The following RPS6KB1 variants were observed in gnomAD, a reference collection of about 807,000 sequenced individuals.
The protein encoded by RPS6KB1 is ribosomal protein S6 kinase B1.
RPS6KB1 carries 12 observed loss-of-function variants against 70.2 expected under a neutral mutation model. The ratio of observed to expected loss-of-function variants is 0.17; its 90% CI spans 0.11 to 0.28. The LOEUF is 0.28. Among genes scored for constraint, RPS6KB1 ranks in the 10% least tolerant of loss-of-function variants. The pLI is 1.00. For synonymous variants in RPS6KB1, 175 were observed against 211.2 expected, an observed-to-expected ratio of 0.83 and a Z score of 1.49; for missense variants, 270 against 646.6, an observed-to-expected ratio of 0.42 and a Z score of 6.32.
intron 4 of RPS6KB1, among the ~76,000 whole-genome samples, chr17:59,916,390 G>A (rs1369066693): frequency 2.0e-5 from 3 of 152,186 alleles, no homozygotes; most frequent in Admixed American, 6.5e-5. Flanking sequence ...GTGAGCCACC[G>A]AGCCTGGCAG....
intron 14 of RPS6KB1, 83 bp downstream of exon 14, chr17:59,945,601 T>C: frequency 1.4e-6 from 1 of 733,260 alleles, no homozygotes. Context: ...TGCCAAGTTA[T>C]ATAAATGAAA....
intron 4 of RPS6KB1, among the ~76,000 whole-genome samples, chr17:59,925,432 G>A (rs2043549402): frequency 6.6e-6 from 1 of 152,046 alleles, no homozygotes; most frequent in African/African-American, 2.4e-5. Context: ...AGAAATAAAG[G>A]TATCATCATT....
chr17:59,902,241 A>AC (rs2042001925), intron 1 of RPS6KB1, among the ~76,000 whole-genome samples: 1 of 150,348 alleles, frequency 6.7e-6, no homozygotes, highest in Admixed American at 6.7e-5. Flanking sequence ...AGTAGCTGGG[A>AC]CCACAGGTGT....
At chr17:59,901,857 A>T (rs2041971122) in intron 1 of RPS6KB1, among the ~76,000 whole-genome samples, 1 of 151,364 alleles carries the variant, frequency 6.6e-6, no homozygotes, top group Non-Finnish European at 1.5e-5. Flanking sequence ...GTCTCTACGA[A>T]AAATAGAAAA....
intron 12 of RPS6KB1, among the ~76,000 whole-genome samples, chr17:59,940,098 T>C (rs1427206612): frequency 6.6e-6 from 1 of 152,084 alleles, no homozygotes; most frequent in Non-Finnish European, 1.5e-5. Context: ...ACCAGTGTTA[T>C]TCATGTTTTA....
intron 7 of RPS6KB1, among the ~76,000 whole-genome samples, chr17:59,933,835 C>T (rs2044084761): frequency 6.6e-6 from 1 of 152,180 alleles, no homozygotes; most frequent in Non-Finnish European, 1.5e-5. Context: ...AACTAGACTT[C>T]ATAAAACAGT....
At chr17:59,920,874 C>A (rs540876782) in intron 4 of RPS6KB1, among the ~76,000 whole-genome samples, 18 of 151,896 alleles carry the variant, frequency 1.2e-4, no homozygotes, top group Non-Finnish European at 2.6e-4. Flanking sequence ...AATTTTTGTA[C>A]TTTTGGTAGA....
chr17:59,908,861 G>T (rs1344283154), intron 1 of RPS6KB1, among the ~76,000 whole-genome samples: 1 of 135,902 alleles, frequency 7.4e-6, no homozygotes, highest in South Asian at 2.3e-4. Flanking sequence ...CTCGTGATCC[G>T]CCCGCCTCGG....
intron 9 of RPS6KB1, 66 bp from the exon 10 acceptor site, chr17:59,935,127 T>C: frequency 1.1e-6 from 1 of 907,334 alleles, no homozygotes; most frequent in Non-Finnish European, 1.7e-6. Context: ...TTATTCAAAA[T>C]TTGTTTCTTA....
chr17:59,905,216 C>T (rs2042195005), intron 1 of RPS6KB1, among the ~76,000 whole-genome samples: 1 of 151,970 alleles, frequency 6.6e-6, no homozygotes, highest in African/African-American at 2.4e-5. Flanking sequence ...CCATGTTGCC[C>T]AGGCTGGTCT....
Position 59,947,663 on chromosome 17 carries a change from G to C in RPS6KB1, c.*875G>C. The C allele has an allele frequency of 1.0e-6, 1 of 969,566 alleles. No individual in the cohort carries two copies. Among genetic ancestry groups the C allele is most frequent in the Non-Finnish European group, 1.6e-6 (1 of 622,450 alleles). The allele number at this position is 969,566 out of a possible 1,614,324, so 60.1% of individuals were successfully genotyped here. On this transcript the variant is annotated 3_prime_UTR_variant, in exon 15 of 15. Coordinates refer to ENST00000225577, the MANE Select transcript of RPS6KB1 (RefSeq NM_003161.4). Reference sequence around the variant, plus strand: ...ATGTCCTACATTTCATCATTGTCCCGGGCCTGCATTGCACTGGAAAAAAAA... The same window carrying C: ...ATGTCCTACATTTCATCATTGTCCCCGGCCTGCATTGCACTGGAAAAAAAA...
At chr17:59,927,237 C>T (rs1167798191) in intron 5 of RPS6KB1, among the ~76,000 whole-genome samples, 2 of 152,078 alleles carry the variant, frequency 1.3e-5, no homozygotes, top group Non-Finnish European at 2.9e-5. Flanking sequence ...GCATGTGCCA[C>T]CACGCCTGGC....
chr17:59,921,331 T>A (rs1279081836), intron 4 of RPS6KB1, among the ~76,000 whole-genome samples: 3 of 152,174 alleles, frequency 2.0e-5, no homozygotes, highest in Non-Finnish European at 2.9e-5. Context: ...GATCTGATAC[T>A]GTCTCCTTCC....
At chr17:59,923,498 C>T (rs1258281644) in intron 4 of RPS6KB1, among the ~76,000 whole-genome samples, 2 of 151,770 alleles carry the variant, frequency 1.3e-5, no homozygotes, top group African/African-American at 4.8e-5. Context: ...AATTCCATAG[C>T]GTTCTTTTTT....
chr17:59,919,916 C>CTT lies in RPS6KB1; in HGVS notation c.381+5215_381+5216dup, dbSNP rs2043172215. On this transcript the variant is annotated intron_variant, in intron 4 of 14. Transcript: ENST00000225577. The stretch of plus-strand genomic sequence containing the variant: ...GATTCAACTTCTTTTGTGTATTCCC[C>CTT]TTTGCAGGCACTTAGGTTTGATCTT... Among the ~76,000 whole-genome samples, 8 of 152,208 alleles carry CTT rather than the reference C, an allele frequency of 5.3e-5. No individual in the cohort carries two copies. The South Asian group carries it at 1.7e-3, about 32-fold the overall frequency.
intron 2 of RPS6KB1, 112 bp from the exon 3 acceptor site, chr17:59,912,572 T>G: frequency 1.8e-6 from 2 of 1,118,404 alleles, no homozygotes; most frequent in Non-Finnish European, 2.5e-6. Flanking sequence ...GTCATGTACT[T>G]TTTTACTTTT....
intron 1 of RPS6KB1, among the ~76,000 whole-genome samples, chr17:59,894,214 T>C (rs911865586): frequency 5.3e-5 from 8 of 152,194 alleles, no homozygotes; most frequent in African/African-American, 1.9e-4. Flanking sequence ...TCCTAATGCA[T>C]AGCTTGGTTT....
At chr17:59,897,168 C>T (rs1377032079) in intron 1 of RPS6KB1, among the ~76,000 whole-genome samples, 1 of 152,184 alleles carries the variant, frequency 6.6e-6, no homozygotes, top group East Asian at 1.9e-4. Context: ...ATTGCATTTA[C>T]TAGTTGTGTT....
chr17:59,940,830 A>AT lies in RPS6KB1; in HGVS notation c.1120-5dup. The AT allele has an allele frequency of 6.6e-7, 1 of 1,513,510 alleles. No individual in the cohort carries two copies. Among genetic ancestry groups the AT allele is most frequent in the Non-Finnish European group, 9.1e-7 (1 of 1,102,980 alleles). The allele number at this position is 1,513,510 out of a possible 1,614,324, so 93.8% of individuals were successfully genotyped here. On this transcript the variant is annotated splice_region_variant and splice_polypyrimidine_tract_variant and intron_variant, in intron 12 of 14. Coordinates refer to ENST00000225577, the MANE Select transcript of RPS6KB1 (RefSeq NM_003161.4). The stretch of plus-strand genomic sequence containing the variant: ...TTATTTTCTAAATTATTTTGTTTGT[A>AT]TAAAGCAATCTGAAGAGGATGTAAG...
Sources: gnomAD v4.1 joint callset for allele counts (sites outside exome capture counted in the v4.1 genomes callset) on GRCh38, gnomAD v4.1.1 for gene constraint, MANE v1.5 for transcripts, NCBI Gene and HGNC (gene_info 2026-07-23, HGNC 2026-07-21) for gene names.